N4BP2: variants seen among roughly 807,000 people sequenced by gnomAD.
The protein encoded by N4BP2 is NEDD4 binding protein 2, also known as NEDD4-binding protein 2.
Under a neutral mutation model 152.8 loss-of-function variants are expected in N4BP2, and 91 were observed. The ratio of observed to expected loss-of-function variants is 0.60; its 90% CI spans 0.50 to 0.71. N4BP2 has a LOEUF of 0.71. Among genes scored for constraint, N4BP2 ranks in the 30% least tolerant of loss-of-function variants. The pLI, the probability that N4BP2 is intolerant of heterozygous loss-of-function variation, is 0.00. For missense variants in N4BP2, 1,923 were observed against 2,059.1 expected, an observed-to-expected ratio of 0.93 and a Z score of 1.28; for synonymous variants, 646 against 705.3, an observed-to-expected ratio of 0.92 and a Z score of 1.33.
chr4:40,066,805 T>C (rs1711569058), intron 1 of N4BP2, among the ~76,000 whole-genome samples: 1 of 152,192 alleles, frequency 6.6e-6, no homozygotes, highest in Non-Finnish European at 1.5e-5. Flanking sequence ...CTATGCACAT[T>C]GTTGTGCAGT....
chr4:40,081,145 T>A (rs181148272), intron 2 of N4BP2, among the ~76,000 whole-genome samples: 9 of 152,260 alleles, frequency 5.9e-5, no homozygotes, highest in Non-Finnish European at 1.0e-4. Flanking sequence ...TAATGATTTT[T>A]TCCTGATTAT....
chr4:40,179,194 C>G, the N4BP2 span, among the ~76,000 whole-genome samples: 1 of 152,040 alleles, frequency 6.6e-6, no homozygotes, highest in Non-Finnish European at 1.5e-5. Flanking sequence ...TGGTGAAACC[C>G]TGACTCTACT....
chr4:40,092,793 A>ATG (rs1714736646), intron 2 of N4BP2, among the ~76,000 whole-genome samples: 1 of 151,432 alleles, frequency 6.6e-6, no homozygotes, highest in South Asian at 2.1e-4. Flanking sequence ...ACTGGCGTGC[A>ATG]CCACCATGCC....
chr4:40,182,640 G>A, the N4BP2 span, among the ~76,000 whole-genome samples: 39 of 151,752 alleles, frequency 2.6e-4, no homozygotes, highest in South Asian at 7.9e-3. Context: ...TAGAGACGAG[G>A]TTTCGCCATG....
the N4BP2 span, chr4:40,167,969 C>G: frequency 6.6e-6 from 1 of 151,284 alleles, no homozygotes; most frequent in Non-Finnish European, 1.5e-5. Flanking sequence ...GGGAAAGCAT[C>G]AAGGAATAGA....
At chr4:40,096,781 A>G (rs752087472) in intron 2 of N4BP2, among the ~76,000 whole-genome samples, 1 of 152,086 alleles carries the variant, frequency 6.6e-6, no homozygotes, top group Non-Finnish European at 1.5e-5. Context: ...GGATGAGAGG[A>G]GTCAAGGATT....
At chr4:40,169,363 CAG>C in the N4BP2 span, among the ~76,000 whole-genome samples, 3 of 141,220 alleles carry the variant, frequency 2.1e-5, no homozygotes, top group African/African-American at 5.4e-5. Flanking sequence ...GCCAGCAAAA[CAG>C]AGCAAGACTG....
rs763888303 is a variant in N4BP2, at chr4:40,126,188, A to C, written c.4385A>C (p.Gln1462Pro). The change falls in exon 12 of 18, where the codon CAG (glutamine) becomes CCG (proline). Residue 1462 changes from glutamine (Q) to proline (P), a missense_variant. By Grantham distance (76) the Gln-to-Pro change is moderately conservative. Coordinates refer to ENST00000261435, the MANE Select transcript of N4BP2 (RefSeq NM_018177.6). ...GLDNPEQKSSQRTGKKLLKTL... is the reference protein window; with the variant it reads ...GLDNPEQKSSPRTGKKLLKTL... The stretch of plus-strand genomic sequence containing the variant: ...GATAATCCTGAACAAAAATCATCTC[A>C]GAGAACAGGCAAAAAATTACTGAAG... The C allele has an allele frequency of 1.0e-4, 168 of 1,608,970 alleles. No individual in the cohort carries two copies. The highest frequency in any genetic ancestry group is 1.4e-4 in the Non-Finnish European group (164 of 1,178,408).
At chr4:40,167,252 G>C in the N4BP2 span, 12 of 152,156 alleles carry the variant, frequency 7.9e-5, no homozygotes, top group Non-Finnish European at 4.4e-5. Context: ...GTTCCAGAGT[G>C]AAATACAAGA....
Position 40,056,924 on chromosome 4 carries a change from G to A in N4BP2, c.-318G>A, listed in dbSNP as rs1175773408. On this transcript the variant is annotated 5_prime_UTR_variant, in exon 1 of 18. Transcript: ENST00000261435. Reference sequence around the variant, plus strand: ...TGCTTGCTAGCCTTGCGCGGCGCGGGAGAGCGCAGTGGCGCCGGCGGGAAA... The same window carrying A: ...TGCTTGCTAGCCTTGCGCGGCGCGGAAGAGCGCAGTGGCGCCGGCGGGAAA... The A allele has an allele frequency of 1.3e-5, 2 of 152,124 alleles. No homozygotes were observed. Among genetic ancestry groups the A allele is most frequent in the East Asian group, 1.9e-4 (1 of 5,172 alleles). 9.4% of individuals were successfully genotyped at this position (152,124 alleles called of 1,614,324 possible).
intron 2 of N4BP2, among the ~76,000 whole-genome samples, chr4:40,086,615 A>G (rs886188133): frequency 2.6e-5 from 4 of 152,040 alleles, no homozygotes; most frequent in African/African-American, 4.8e-5. Context: ...AATTGCAGGC[A>G]TAAGCCACCG....
chr4:40,120,588 A>G lies in N4BP2; in HGVS notation c.2477A>G (p.Lys826Arg). Residue 826 changes from lysine to arginine, a missense_variant, in exon 9 of 18, where the codon AAA (lysine) becomes AGA (arginine). By Grantham distance (26) the Lys-to-Arg change is conservative (BLOSUM62 2). Transcript: ENST00000261435. Reference sequence around the variant, plus strand: ...AAGTATAATTACCCTCAGTCACACAAATTAGTTAACAGTGTATCTGTGAAT... The same window carrying G: ...AAGTATAATTACCCTCAGTCACACAGATTAGTTAACAGTGTATCTGTGAAT... The part of the protein sequence containing the change: ...DKKYNYPQSH[K>R]LVNSVSVNTD... The G allele has an allele frequency of 6.2e-7, 1 of 1,614,150 alleles. No individual in the cohort carries two copies. Among genetic ancestry groups the G allele is most frequent in the Non-Finnish European group, 8.5e-7 (1 of 1,180,028 alleles).
the N4BP2 span, among the ~76,000 whole-genome samples, chr4:40,168,372 GA>G: frequency 6.6e-6 from 1 of 152,042 alleles, no homozygotes. Flanking sequence ...AAAGCAATTG[GA>G]AAAGCAATAC....
chr4:40,060,256 T>A (rs1340019401), intron 1 of N4BP2, among the ~76,000 whole-genome samples: 1 of 152,128 alleles, frequency 6.6e-6, no homozygotes, highest in East Asian at 1.9e-4. Context: ...CTTCATTTAT[T>A]TTTTTTGAGA....
chr4:40,081,105 G>T (rs573779966), intron 2 of N4BP2, among the ~76,000 whole-genome samples: 1 of 152,130 alleles, frequency 6.6e-6, no homozygotes, highest in African/African-American at 2.4e-5. Flanking sequence ...AAGTACAGAG[G>T]GAAGTCCATG....
In N4BP2 at chr4:40,108,786, AT is replaced by A. The variant is rs1165659559; in HGVS notation, c.1498+1763del. Reference sequence around the variant, plus strand: ...GCATAGTTTGAATTTTCTATGGAGAATCTTGTTAAGATATAGGGACTGTATT... The same window carrying A: ...GCATAGTTTGAATTTTCTATGGAGAACTTGTTAAGATATAGGGACTGTATT... On this transcript the variant is annotated intron_variant, in intron 5 of 17. Coordinates refer to ENST00000261435, the MANE Select transcript of N4BP2 (RefSeq NM_018177.6). Among the ~76,000 whole-genome samples, 7 of 151,212 alleles carry A rather than the reference AT, an allele frequency of 4.6e-5. No homozygotes were observed. In the South Asian group the frequency reaches 1.5e-3, roughly 32 times the overall value.
chr4:40,107,789 G>T (rs1716465958), intron 5 of N4BP2, among the ~76,000 whole-genome samples: 1 of 152,130 alleles, frequency 6.6e-6, no homozygotes, highest in Non-Finnish European at 1.5e-5. Context: ...AGGATTCAAA[G>T]AGTTAATTTT....
intron 13 of N4BP2, among the ~76,000 whole-genome samples, 166 bp from the exon 14 acceptor site, chr4:40,136,778 G>A (rs1719446644): frequency 6.6e-6 from 1 of 152,058 alleles, no homozygotes; most frequent in African/African-American, 2.4e-5. Context: ...GATTATTCTT[G>A]ATTTTTTTTT....
intron 5 of N4BP2, among the ~76,000 whole-genome samples, chr4:40,107,570 G>A (rs1716430803): frequency 6.6e-6 from 1 of 151,956 alleles, no homozygotes; most frequent in Non-Finnish European, 1.5e-5. Context: ...TTTTTATAGA[G>A]ACGGGGTTTC....
Sources: allele counts gnomAD v4.1 joint callset (sites outside exome capture counted in the v4.1 genomes callset), GRCh38; gene constraint gnomAD v4.1.1; transcripts MANE v1.5; gene names NCBI Gene and HGNC (gene_info 2026-07-23, HGNC 2026-07-21).